Variants in DDX39A observed in about 807,000 individuals in gnomAD.
DDX39A encodes ATP-dependent RNA helicase DDX39A.
A neutral mutation model predicts 46.3 loss-of-function variants in DDX39A; 13 were observed. The observed-to-expected ratio is 0.28, with a 90% CI of 0.18 to 0.45. The LOEUF is 0.45. Ranked by LOEUF, DDX39A falls within the 20% of genes least tolerant of loss-of-function variation. DDX39A has a pLI of 1.00. For synonymous variants in DDX39A, 234 were observed against 224.6 expected (o/e 1.04, Z -0.38); for missense variants, 352 against 581.8 (o/e 0.61, Z 4.06).
In DDX39A at chr19:14,412,938, CA is replaced by C; in HGVS notation, c.208+74del. 1 of 1,510,900 alleles carries C rather than the reference CA, an allele frequency of 6.6e-7. No individual in the cohort carries two copies. The highest frequency in any genetic ancestry group is 9.0e-7 in the Non-Finnish European group (1 of 1,111,574). The allele number at this position is 1,510,900 out of a possible 1,614,324, so 93.6% of individuals were successfully genotyped here. A position where few individuals can be genotyped will look rare whatever the true frequency, so the allele number is the denominator to read the frequency against. On this transcript the variant is annotated intron_variant, in intron 2 of 10. Coordinates refer to ENST00000242776, the MANE Select transcript of DDX39A (RefSeq NM_005804.4). This position sits in a 1 kb window ranked among gnomAD's most constrained non-coding sequence, Gnocchi z 4.4. Reference sequence around the variant, plus strand: ...CTCACCCACGGCAAACTGGAGGCGGCACCGCTCTGGGCGGGCAGGGCTGGTC... The same window carrying C: ...CTCACCCACGGCAAACTGGAGGCGGCCCGCTCTGGGCGGGCAGGGCTGGTC...
In DDX39A at chr19:14,410,087, A is replaced by T; in HGVS notation, c.732+129T>A. ...CTCCCAGTTTGACAAGACCGAGGGGAGGAAAGGAGGCTCCGCCGGCTCCCA... is the reference window on the plus strand; with the variant it reads ...CTCCCAGTTTGACAAGACCGAGGGGTGGAAAGGAGGCTCCGCCGGCTCCCA... On this transcript the variant is annotated intron_variant, in intron 6 of 10. Coordinates refer to ENST00000242776, the MANE Select transcript of DDX39A (RefSeq NM_005804.4). The surrounding 1 kb of genome is among the most constrained non-coding windows in gnomAD (Gnocchi z 4.3). 1 of 1,041,926 alleles carries T rather than the reference A, an allele frequency of 9.6e-7. No homozygotes were observed. The highest frequency in any genetic ancestry group is 1.7e-5 in the Admixed American group (1 of 57,644). The allele number at this position is 1,041,926 out of a possible 1,614,324, so 64.5% of individuals were successfully genotyped here. A position where few individuals can be genotyped will look rare whatever the true frequency, so the allele number is the denominator to read the frequency against.
In DDX39A at chr19:14,409,687, G is replaced by A. The variant is rs913922343; in HGVS notation, c.865-42C>T. 22 of 1,611,258 alleles carry A rather than the reference G, an allele frequency of 1.4e-5. No individual in the cohort carries two copies. Among genetic ancestry groups the A allele is most frequent in the Non-Finnish European group, 1.9e-5 (22 of 1,177,974 alleles). Reference sequence around the variant, plus strand: ...CAGTCAGGGCCACACAGTCCCTGTGGCCCAGTGACCTCCCGAAGGTCCTGA... The same window carrying A: ...CAGTCAGGGCCACACAGTCCCTGTGACCCAGTGACCTCCCGAAGGTCCTGA... On this transcript the variant is annotated intron_variant, in intron 7 of 10. Transcript: ENST00000242776. This position sits in a 1 kb window ranked among gnomAD's most constrained non-coding sequence, Gnocchi z 8.3.
Position 14,410,153 on chromosome 19 carries a change from TCCTGGGGCCCCAGGCTCCAGGCC to T in DDX39A, c.732+40_732+62del. 3 of 1,461,406 alleles carry T rather than the reference TCCTGGGGCCCCAGGCTCCAGGCC, an allele frequency of 2.1e-6. No individual in the cohort carries two copies. The highest frequency in any genetic ancestry group is 2.9e-6 in the Non-Finnish European group (3 of 1,044,112). 90.5% of individuals were successfully genotyped at this position (1,461,406 alleles called of 1,614,324 possible). ...CCGTGCCATGTGGGCCGTGCGGGTG[TCCTGGGGCCCCAGGCTCCAGGCC>T]CCTGGGGAAGGCCAAAGCTGCCACT... On this transcript the variant is annotated intron_variant, in intron 6 of 10. Transcript: ENST00000242776. This position sits in a 1 kb window ranked among gnomAD's most constrained non-coding sequence, Gnocchi z 4.3.
chr19:14,419,010 C>T (rs932329562), intron 1 of DDX39A: 27 of 456,088 alleles, frequency 5.9e-5, no homozygotes, highest in African/African-American at 4.4e-4. Flanking sequence ...GGGCTCGGAG[C>T]GCCGTAGGCC....
Position 14,410,792 on chromosome 19 carries a change from T to G in DDX39A, c.613+197A>C, listed in dbSNP as rs1326096132. ...TTTACGTCCAGGAGGGACGGGGGCT[T>G]GCTTGGGCCCCGTGGTCCCATTCGG... On this transcript the variant is annotated intron_variant, in intron 5 of 10. Coordinates refer to ENST00000242776, the MANE Select transcript of DDX39A (RefSeq NM_005804.4). This position sits in a 1 kb window ranked among gnomAD's most constrained non-coding sequence, Gnocchi z 4.3. 1.8e-6 allele frequency: 1 copy of G among 562,472 alleles called. No homozygotes were observed. The highest frequency in any genetic ancestry group is 1.9e-5 in the African/African-American group (1 of 53,030). The allele number at this position is 562,472 out of a possible 1,614,324, so 34.8% of individuals were successfully genotyped here.
chr19:14,415,114 A>C (rs1288151107), intron 1 of DDX39A, among the ~76,000 whole-genome samples: 4 of 152,078 alleles, frequency 2.6e-5, no homozygotes, highest in Non-Finnish European at 5.9e-5. Context: ...TGTACCCTTT[A>C]CGTATCCATA....
chr19:14,415,353 G>A (rs748887600), intron 1 of DDX39A, among the ~76,000 whole-genome samples: 1 of 151,890 alleles, frequency 6.6e-6, no homozygotes, highest in Non-Finnish European at 1.5e-5. Flanking sequence ...AGGCTGGAGT[G>A]CAGTGGCCCA....
intron 1 of DDX39A, among the ~76,000 whole-genome samples, chr19:14,418,144 A>AAAAAG (rs1555713108): frequency 2.7e-5 from 4 of 148,688 alleles, no homozygotes; most frequent in African/African-American, 1.0e-4. Context: ...AAAAAAAAAA[A>AAAAAG]AGAGAGAGAG....
In DDX39A at chr19:14,411,983, C is replaced by T. The variant is rs1976610195; in HGVS notation, c.337-385G>A. On this transcript the variant is annotated intron_variant, in intron 3 of 10. Coordinates refer to ENST00000242776, the MANE Select transcript of DDX39A (RefSeq NM_005804.4). The surrounding 1 kb of genome is among the most constrained non-coding windows in gnomAD (Gnocchi z 4.1). ...TGCCATCAGACACTGGACCACACCACAGCCCTCCACAGCACCTTCATCCTT... is the reference window on the plus strand; with the variant it reads ...TGCCATCAGACACTGGACCACACCATAGCCCTCCACAGCACCTTCATCCTT... Among the ~76,000 whole-genome samples the T allele has an allele frequency of 6.6e-6, 1 of 152,200 alleles. No homozygotes were observed. The highest frequency in any genetic ancestry group is 2.4e-5 in the African/African-American group (1 of 41,458).
At position 14,409,782 on chromosome 19, in the gene DDX39A, C is replaced by T. The variant is rs148270304; in HGVS notation, c.824G>A (p.Arg275His). The T allele has an allele frequency of 1.9e-5, 31 of 1,614,146 alleles. No individual in the cohort carries two copies. In the East Asian group the frequency reaches 6.0e-4, roughly 31 times the overall value. Residue 275 changes from arginine to histidine, a missense_variant, in exon 7 of 11, where the codon CGC (arginine) becomes CAC (histidine). By Grantham distance (29) the Arg-to-His change is conservative (BLOSUM62 0). Coordinates refer to ENST00000242776, the MANE Select transcript of DDX39A (RefSeq NM_005804.4). This position sits in a 1 kb window ranked among gnomAD's most constrained non-coding sequence, Gnocchi z 8.3. ...CACATCCAAGAGATCAAAGAGCTTG[C>T]GGTTCTTCTCACTGTCTTTGAGTTT... ...YVKLKDSEKN[R>H]KLFDLLDVLE...
chr19:14,414,857 C>G (rs910346322), intron 1 of DDX39A, among the ~76,000 whole-genome samples: 1 of 147,578 alleles, frequency 6.8e-6, no homozygotes, highest in African/African-American at 2.5e-5. Context: ...CCCAGCTACT[C>G]GGGAAGCTGA....
Position 14,408,798 on chromosome 19 carries a change from T to C in DDX39A, c.*138A>G. The C allele has an allele frequency of 7.6e-7, 1 of 1,321,092 alleles. No homozygotes were observed. The highest frequency in any genetic ancestry group is 1.0e-6 in the Non-Finnish European group (1 of 994,106). 81.8% of individuals were successfully genotyped at this position (1,321,092 alleles called of 1,614,324 possible). A position where few individuals can be genotyped will look rare whatever the true frequency, so the allele number is the denominator to read the frequency against. Reference sequence around the variant, plus strand: ...GTGAAAGGCCAAGATGACCAAGAAATAGATGGGGTGGGAGCCAGGCTTCCA... The same window carrying C: ...GTGAAAGGCCAAGATGACCAAGAAACAGATGGGGTGGGAGCCAGGCTTCCA... On this transcript the variant is annotated 3_prime_UTR_variant, in exon 11 of 11. Coordinates refer to ENST00000242776, the MANE Select transcript of DDX39A (RefSeq NM_005804.4).
chr19:14,410,241 G>C lies in DDX39A; in HGVS notation c.707C>G (p.Pro236Arg). ...FSATLSKDIR[P>R]VCRKFMQDPM... is the part of the protein sequence containing the mutation. ...ATCCTGCATGAACTTCCTGCACACA[G>C]GCCGGATGTCCTTGCTCAGGGTGGC... Residue 236 changes from proline to arginine, a missense_variant, in exon 6 of 11, where the codon CCT becomes CGT. Physicochemically the swap from Pro to Arg is moderately radical, Grantham distance 103 (BLOSUM62 -2). Coordinates refer to ENST00000242776, the MANE Select transcript of DDX39A (RefSeq NM_005804.4). This position sits in a 1 kb window ranked among gnomAD's most constrained non-coding sequence, Gnocchi z 4.3. The C allele has an allele frequency of 6.2e-7, 1 of 1,614,092 alleles. No homozygotes were observed. Among genetic ancestry groups the C allele is most frequent in the Non-Finnish European group, 8.5e-7 (1 of 1,179,990 alleles).
chr19:14,409,461 G>GA lies in DDX39A; in HGVS notation c.975-15dup. The GA allele has an allele frequency of 6.2e-7, 1 of 1,613,610 alleles. No individual in the cohort carries two copies. The highest frequency in any genetic ancestry group is 8.5e-7 in the Non-Finnish European group (1 of 1,179,976). ...TAGCGTGACAGGCTGGGGTGCAGGA[G>GA]AAACAAGTGGAGGCCGTCAGACACT... is the stretch of plus-strand genomic sequence containing the variant. On this transcript the variant is annotated splice_polypyrimidine_tract_variant and intron_variant, in intron 8 of 10. Transcript: ENST00000242776. This position sits in a 1 kb window ranked among gnomAD's most constrained non-coding sequence, Gnocchi z 8.3.
rs1030532832 is a variant in DDX39A, at chr19:14,409,943, C to T, written c.733-70G>A. ...GGGCATCTCGCCTGCCCAGAACCTT[C>T]CAGTGGGCGACTCCTTTGTGCGACA... On this transcript the variant is annotated intron_variant, in intron 6 of 10. Coordinates refer to ENST00000242776, the MANE Select transcript of DDX39A (RefSeq NM_005804.4). The surrounding 1 kb of genome is among the most constrained non-coding windows in gnomAD (Gnocchi z 8.3). The T allele has an allele frequency of 1.9e-6, 3 of 1,580,868 alleles. No homozygotes were observed. The highest frequency in any genetic ancestry group is 2.6e-6 in the Non-Finnish European group (3 of 1,156,578).
rs1053037666 is a variant in DDX39A, at chr19:14,412,874, G to T, written c.208+139C>A. ...ACTGCCGAGGGCAGCCACAGGCCCC[G>T]CTGGGCACAACTGATCCGCGGGACA... is the stretch of plus-strand genomic sequence containing the variant. On this transcript the variant is annotated intron_variant, in intron 2 of 10. Transcript: ENST00000242776. The surrounding 1 kb of genome is among the most constrained non-coding windows in gnomAD (Gnocchi z 4.4). The T allele has an allele frequency of 4.7e-5, 59 of 1,265,802 alleles. No homozygotes were observed. The African/African-American group carries it at 7.4e-4, about 16-fold the overall frequency. 78.4% of individuals were successfully genotyped at this position (1,265,802 alleles called of 1,614,324 possible).
intron 1 of DDX39A, chr19:14,414,149 A>C (rs1976705188): frequency 6.6e-6 from 1 of 151,936 alleles, no homozygotes; most frequent in Non-Finnish European, 1.5e-5. Context: ...TGAGGATCCT[A>C]GGCCACTTTT....
Position 14,412,314 on chromosome 19 carries a change from A to C in DDX39A, c.336+237T>G. On this transcript the variant is annotated intron_variant, in intron 3 of 10. Transcript: ENST00000242776. This position sits in a 1 kb window ranked among gnomAD's most constrained non-coding sequence, Gnocchi z 4.4. ...TTCCAGTTATTTTGGCTTATTGGCA[A>C]TTTCTAATTTTTGTTATAACTAATT... The C allele has an allele frequency of 2.1e-6, 1 of 478,070 alleles. No homozygotes were observed. The highest frequency in any genetic ancestry group is 3.6e-6 in the Non-Finnish European group (1 of 275,212). The allele number at this position is 478,070 out of a possible 1,614,324, so 29.6% of individuals were successfully genotyped here.
Position 14,411,043 on chromosome 19 carries a change from T to C in DDX39A, c.559A>G (p.Lys187Glu). The stretch of plus-strand genomic sequence containing the variant: ...TCCAGCACAAAGTGCTTCACATTCT[T>C]TAGGCTGAAGCTCCTATTCCGCACG... ...ALVRNRSFSL[K>E]NVKHFVLDEC... Residue 187 changes from lysine to glutamate, a missense_variant, in exon 5 of 11, where the codon AAG (lysine) becomes GAG (glutamate). This residue lies in a region of DDX39A where 301 missense variants were observed against 469.9 expected (regional missense o/e 0.64). Coordinates refer to ENST00000242776, the MANE Select transcript of DDX39A (RefSeq NM_005804.4). The surrounding 1 kb of genome is among the most constrained non-coding windows in gnomAD (Gnocchi z 4.1). The C allele has an allele frequency of 6.2e-7, 1 of 1,611,394 alleles. No individual in the cohort carries two copies. Among genetic ancestry groups the C allele is most frequent in the Non-Finnish European group, 8.5e-7 (1 of 1,178,752 alleles).
Sources: allele counts gnomAD v4.1 joint callset (sites outside exome capture counted in the v4.1 genomes callset), GRCh38; gene constraint gnomAD v4.1.1; regional missense constraint gnomAD v4.1.1; non-coding constraint Gnocchi (gnomAD v3.1); transcripts MANE v1.5; gene names NCBI Gene and HGNC (gene_info 2026-07-23, HGNC 2026-07-21).